Variants in TGFB3 observed in about 807,000 individuals in gnomAD.
The protein encoded by TGFB3 is transforming growth factor beta 3.
In TGFB3, 5 loss-of-function variants were observed where a neutral mutation model predicts 40.1. The observed-to-expected ratio is 0.12, with a 90% CI of 0.07 to 0.26. TGFB3 has a LOEUF of 0.26. TGFB3 is among the 10% of genes least tolerant of loss of function. The pLI, the probability that TGFB3 is intolerant of heterozygous loss-of-function variation, is 1.00. For synonymous variants in TGFB3, 184 were observed against 205.6 expected (o/e 0.89, Z 0.90); for missense variants, 373 against 530.1 (o/e 0.70, Z 2.91).
intron 1 of TGFB3, among the ~76,000 whole-genome samples, chr14:75,976,052 C>T (rs954626319): frequency 1.3e-5 from 2 of 152,178 alleles, no homozygotes; most frequent in African/African-American, 2.4e-5. Context: ...TATTCATGTA[C>T]AGTATGCATG....
rs181683548 is a variant in TGFB3 at position 75,978,565 on chromosome 14, A to G, written c.352+1977T>C. 2.2e-4 allele frequency among the ~76,000 whole-genome samples: 34 copies of G among 152,272 alleles called. No individual in the cohort carries two copies. Among genetic ancestry groups the G allele is most frequent in the Non-Finnish European group, 4.1e-4 (28 of 68,014 alleles). ...GCTCCTCCCCAGCATCCTGAACAGC[A>G]TCCTGCTCACTGTGCTGGGTTGCCC... is the stretch of plus-strand genomic sequence containing the variant. On this transcript the variant is annotated intron_variant, in intron 1 of 6. Coordinates refer to ENST00000238682, the MANE Select transcript of TGFB3 (RefSeq NM_003239.5). This position sits in a 1 kb window ranked among gnomAD's most constrained non-coding sequence, Gnocchi z 5.0.
chr14:75,967,735 C>T (rs1301773529), intron 3 of TGFB3, among the ~76,000 whole-genome samples: 3 of 152,118 alleles, frequency 2.0e-5, no homozygotes, highest in African/African-American at 7.2e-5. Context: ...GAACTATTAT[C>T]CCCCATTGTA....
At chr14:75,967,713 C>G (rs541312469) in intron 3 of TGFB3, among the ~76,000 whole-genome samples, 1 of 152,258 alleles carries the variant, frequency 6.6e-6, no homozygotes, top group South Asian at 2.1e-4. Context: ...CTATAATAAT[C>G]CCATAGAGCA....
chr14:75,980,466 A>AG lies in TGFB3; in HGVS notation c.352+75dup. The stretch of plus-strand genomic sequence containing the variant: ...GGCACCCTGCTGTGTGGCCAGCACT[A>AG]GGCCCCCCTCTGCAGAGCTCCCAGC... On this transcript the variant is annotated intron_variant, in intron 1 of 6. Transcript: ENST00000238682. The surrounding 1 kb of genome is among the most constrained non-coding windows in gnomAD (Gnocchi z 4.3). 6.9e-7 allele frequency: 1 copy of AG among 1,451,530 alleles called. No individual in the cohort carries two copies. The highest frequency in any genetic ancestry group is 9.7e-7 in the Non-Finnish European group (1 of 1,033,206). The allele number at this position is 1,451,530 out of a possible 1,614,324, so 89.9% of individuals were successfully genotyped here. A position where few individuals can be genotyped will look rare whatever the true frequency, so the allele number is the denominator to read the frequency against.
upstream of TGFB3, among the ~76,000 whole-genome samples, chr14:75,982,460 G>A (rs2035447699): frequency 6.6e-6 from 1 of 152,170 alleles, no homozygotes. This position sits in a 1 kb window ranked among gnomAD's most constrained non-coding sequence, Gnocchi z 4.0. Flanking sequence ...CCCAGCCTGC[G>A]AGCCGGGTCG....
At chr14:75,963,194 G>T in intron 5 of TGFB3, 122 bp downstream of exon 5, 1 of 1,091,976 alleles carries the variant, frequency 9.2e-7, no homozygotes, top group Non-Finnish European at 1.4e-6. Flanking sequence ...TCTTCTTCCT[G>T]GAGATGTTTG....
intron 6 of TGFB3, 101 bp downstream of exon 6, chr14:75,960,822 A>G: frequency 2.6e-6 from 4 of 1,524,032 alleles, no homozygotes; most frequent in East Asian, 2.3e-5. Context: ...ACCCCAGACC[A>G]TCATTTGCTC....
upstream of TGFB3, chr14:75,982,676 G>A (rs1024877008): frequency 3.3e-5 from 5 of 152,028 alleles, no homozygotes; most frequent in African/African-American, 1.2e-4. This position sits in a 1 kb window ranked among gnomAD's most constrained non-coding sequence, Gnocchi z 4.0. Flanking sequence ...CGGGGGCTGG[G>A]GGCTGCGGGG....
intron 4 of TGFB3, among the ~76,000 whole-genome samples, chr14:75,964,578 A>G (rs1008718547): frequency 5.9e-5 from 9 of 152,224 alleles, no homozygotes; most frequent in African/African-American, 2.2e-4. Flanking sequence ...GGACAGGAAC[A>G]TGAGGAATTA....
chr14:75,982,707 A>G (rs1464159956), upstream of TGFB3: 1 of 152,064 alleles, frequency 6.6e-6, no homozygotes, highest in African/African-American at 2.4e-5. This position sits in a 1 kb window ranked among gnomAD's most constrained non-coding sequence, Gnocchi z 4.0. Context: ...GGGGCGGGAG[A>G]AGGGGCTGCG....
At position 75,978,030 on chromosome 14, in the gene TGFB3, GC is replaced by G. The variant is rs2035375835; in HGVS notation, c.352+2511del. On this transcript the variant is annotated intron_variant, in intron 1 of 6. Coordinates refer to ENST00000238682, the MANE Select transcript of TGFB3 (RefSeq NM_003239.5). The surrounding 1 kb of genome is among the most constrained non-coding windows in gnomAD (Gnocchi z 5.0). The stretch of plus-strand genomic sequence containing the variant: ...CCTTCCTCTCTGCTCTCACCTTGGT[GC>G]CCTTTCTCCTGCACTACTAAAAAGT... Among the ~76,000 whole-genome samples, 2 of 152,134 alleles carry G rather than the reference GC, an allele frequency of 1.3e-5. No individual in the cohort carries two copies. The highest frequency in any genetic ancestry group is 4.2e-4 in the South Asian group (2 of 4,812).
chr14:75,961,680 A>G (rs2035158334), intron 5 of TGFB3, among the ~76,000 whole-genome samples: 1 of 152,200 alleles, frequency 6.6e-6, no homozygotes, highest in African/African-American at 2.4e-5. Flanking sequence ...CTCTGCTTTA[A>G]TATCTGCTGA....
chr14:75,978,451 C>T lies in TGFB3; in HGVS notation c.352+2091G>A, dbSNP rs561133633. Among the ~76,000 whole-genome samples, 7 of 152,352 alleles carry T rather than the reference C, an allele frequency of 4.6e-5. No homozygotes were observed. The highest frequency in any genetic ancestry group is 2.1e-4 in the South Asian group (1 of 4,830). ...ACCAGCTGCAGGGCGGGCCCAGGTCCGTCTGCTCAGCCTCCAAGTCACCTC... is the reference window on the plus strand; with the variant it reads ...ACCAGCTGCAGGGCGGGCCCAGGTCTGTCTGCTCAGCCTCCAAGTCACCTC... On this transcript the variant is annotated intron_variant, in intron 1 of 6. Transcript: ENST00000238682. The surrounding 1 kb of genome is among the most constrained non-coding windows in gnomAD (Gnocchi z 5.0).
rs374423962 is a variant in TGFB3 at position 75,980,702 on chromosome 14, G to A, written c.192C>T (p.His64=). ...AAAGGGCCAGGACCTGATAGGGGACGTGGGTCATCACCGTTGGCTCAGGGG... is the reference window on the plus strand; with the variant it reads ...AAAGGGCCAGGACCTGATAGGGGACATGGGTCATCACCGTTGGCTCAGGGG... ...TSPPEPTVMT[H]VPYQVLALYN... Residue 64 remains histidine (H), a synonymous_variant, in exon 1 of 7, where the codon CAC becomes CAT. Coordinates refer to ENST00000238682, the MANE Select transcript of TGFB3 (RefSeq NM_003239.5). The surrounding 1 kb of genome is among the most constrained non-coding windows in gnomAD (Gnocchi z 4.3). 1.2e-4 allele frequency: 188 copies of A among 1,614,056 alleles called. No homozygotes were observed. Among genetic ancestry groups the A allele is most frequent in the Non-Finnish European group, 1.5e-4 (181 of 1,180,040 alleles).
At position 75,961,007 on chromosome 14, in the gene TGFB3, C is replaced by G; in HGVS notation, c.996G>C (p.Trp332Cys). Reference sequence around the variant, plus strand: ...CATAGTAGCCCTTAGGTTCATGGACCCACTTCCAGCCCAGATCCTGTCGGA... The same window carrying G: ...CATAGTAGCCCTTAGGTTCATGGACGCACTTCCAGCCCAGATCCTGTCGGA... ...IDFRQDLGWK[W>C]VHEPKGYYAN... The change falls in exon 6 of 7, where the codon TGG (tryptophan) becomes TGC (cysteine). Residue 332 changes from tryptophan (W) to cysteine (C), a missense_variant. Transcript: ENST00000238682. 6.2e-7 allele frequency: 1 copy of G among 1,614,232 alleles called. No individual in the cohort carries two copies. Among genetic ancestry groups the G allele is most frequent in the Non-Finnish European group, 8.5e-7 (1 of 1,180,050 alleles).
intron 1 of TGFB3, among the ~76,000 whole-genome samples, chr14:75,973,682 G>A (rs2035319949): frequency 6.6e-6 from 1 of 152,230 alleles, no homozygotes; most frequent in East Asian, 1.9e-4. Context: ...GGGAGGTCCA[G>A]ATTGCAGTGA....
intron 3 of TGFB3, among the ~76,000 whole-genome samples, chr14:75,969,825 C>T (rs916212479): frequency 9.2e-5 from 14 of 152,158 alleles, no homozygotes; most frequent in African/African-American, 3.1e-4. Context: ...GCTCTTGTGT[C>T]CTCACATCCC....
At chr14:75,962,574 C>T (rs1044728265) in intron 5 of TGFB3, among the ~76,000 whole-genome samples, 2 of 152,222 alleles carry the variant, frequency 1.3e-5, no homozygotes, top group African/African-American at 4.8e-5. Flanking sequence ...CCTTCATCCC[C>T]AAACCTCATC....
intron 6 of TGFB3, 150 bp downstream of exon 6, chr14:75,960,773 G>C: frequency 2.0e-6 from 2 of 981,384 alleles, no homozygotes; most frequent in Non-Finnish European, 3.1e-6. Context: ...ACTGAGTCAG[G>C]GTGCCAAGAT....
Sources: gnomAD v4.1 joint callset for allele counts (sites outside exome capture counted in the v4.1 genomes callset) on GRCh38, gnomAD v4.1.1 for gene constraint, Gnocchi (gnomAD v3.1) non-coding constraint, MANE v1.5 for transcripts, NCBI Gene and HGNC (gene_info 2026-07-23, HGNC 2026-07-21) for gene names.